The following EPS8 variants were observed in gnomAD, a reference collection of about 807,000 sequenced individuals.
EPS8 encodes epidermal growth factor receptor kinase substrate 8.
A neutral mutation model predicts 103.8 loss-of-function variants in EPS8; 42 were observed. The ratio of observed to expected loss-of-function variants is 0.40; its 90% CI spans 0.32 to 0.52. EPS8 has a LOEUF of 0.52. EPS8 is among the 20% of genes least tolerant of loss of function. EPS8 has a pLI of 0.40. For missense variants in EPS8, 969 were observed against 1,005.1 expected (o/e 0.96, Z 0.49); for synonymous variants, 344 against 344.6 (o/e 1.00, Z 0.02).
In EPS8 at chr12:15,628,797, G is replaced by A. The variant is rs1591800622; in HGVS notation, c.2044+2645C>T. ...TCCTTTCATTTTATTTTTACCAGAA[G>A]TTTAGGCAGTAAGCAGAGAATGTGG... is the stretch of plus-strand genomic sequence containing the variant. On this transcript the variant is annotated intron_variant, in intron 18 of 20. Coordinates refer to ENST00000281172, the MANE Select transcript of EPS8 (RefSeq NM_004447.6). 5.3e-5 allele frequency among the ~76,000 whole-genome samples: 8 copies of A among 152,124 alleles called. No individual in the cohort carries two copies. In the South Asian group the frequency reaches 1.4e-3, roughly 28 times the overall value.
chr12:15,784,437 A>C lies in EPS8; in HGVS notation c.-22+4724T>G, dbSNP rs1954594155. Among the ~76,000 whole-genome samples the C allele has an allele frequency of 6.6e-6, 1 of 152,196 alleles. No individual in the cohort carries two copies. Among genetic ancestry groups the C allele is most frequent in the African/African-American group, 2.4e-5 (1 of 41,464 alleles). On this transcript the variant is annotated intron_variant, in intron 1 of 20. Transcript: ENST00000281172. The surrounding 1 kb of genome is among the most constrained non-coding windows in gnomAD (Gnocchi z 4.0). ...AATAGTAAATTAAAGTAACAATGAC[A>C]TATTACTACACACCTACTAGAATGG...
Position 15,752,263 on chromosome 12 carries a change from T to A in EPS8, c.-22+36898A>T, listed in dbSNP as rs1472425108. 6.6e-6 allele frequency among the ~76,000 whole-genome samples: 1 copy of A among 151,982 alleles called. No individual in the cohort carries two copies. The highest frequency in any genetic ancestry group is 1.5e-5 in the Non-Finnish European group (1 of 67,994). The stretch of plus-strand genomic sequence containing the variant: ...GAGATCGAGACCATCCTGGCTAACA[T>A]GGTGAAACCCCGTTTCTACTAAAAA... On this transcript the variant is annotated intron_variant, in intron 1 of 20. Coordinates refer to ENST00000281172, the MANE Select transcript of EPS8 (RefSeq NM_004447.6). The surrounding 1 kb of genome is among the most constrained non-coding windows in gnomAD (Gnocchi z 4.4).
In EPS8 at chr12:15,738,097, T is replaced by C. The variant is rs1164366045; in HGVS notation, c.-22+51064A>G. Among the ~76,000 whole-genome samples, 1 of 152,194 alleles carries C rather than the reference T, an allele frequency of 6.6e-6. No individual in the cohort carries two copies. The highest frequency in any genetic ancestry group is 2.4e-5 in the African/African-American group (1 of 41,462). On this transcript the variant is annotated intron_variant, in intron 1 of 20. Coordinates refer to ENST00000281172, the MANE Select transcript of EPS8 (RefSeq NM_004447.6). The surrounding 1 kb of genome is among the most constrained non-coding windows in gnomAD (Gnocchi z 6.2). ...ATATAAACTACCGAAATAGATATAT[T>C]TCCTAGTGTTATTTTTGGTAGATAG...
chr12:15,658,537 A>G lies in EPS8; in HGVS notation c.986T>C (p.Leu329Pro), dbSNP rs79739141. The change falls in exon 11 of 21, where the codon CTT (leucine) becomes CCT (proline). Residue 329 changes from leucine to proline, a missense_variant. Physicochemically the swap from Leu to Pro is moderately conservative, Grantham distance 98. Transcript: ENST00000281172. ...GTGTTTAAACTTTTGGAAACAGTCA[A>G]GAAATTCATCAGGAGGTGGAGGTTT... ...RAKPPPPDEF[L>P]DCFQKFKHGF... is the part of the protein sequence containing the mutation. 2.0e-5 allele frequency: 33 copies of G among 1,613,244 alleles called. No homozygotes were observed. The highest frequency in any genetic ancestry group is 1.6e-4 in the Middle Eastern group (1 of 6,078).
chr12:15,731,486 C>T lies in EPS8; in HGVS notation c.-21-48514G>A, dbSNP rs544093402. On this transcript the variant is annotated intron_variant, in intron 1 of 20. Transcript: ENST00000281172. The surrounding 1 kb of genome is among the most constrained non-coding windows in gnomAD (Gnocchi z 5.1). ...CTAATTTTTGTATTTTTAGTAGAAA[C>T]GGGGTTTCACCGTGTAGGCCAGGCT... Among the ~76,000 whole-genome samples, 25 of 152,100 alleles carry T rather than the reference C, an allele frequency of 1.6e-4. No homozygotes were observed. The East Asian group carries it at 4.3e-3, about 26-fold the overall frequency.
At position 15,702,352 on chromosome 12, in the gene EPS8, T is replaced by C. The variant is rs1013108615; in HGVS notation, c.-21-19380A>G. ...GACAAGGTGAATAAAATTCTAGCAC[T>C]GGAAATTAATTCATTCTTTTGAGTT... On this transcript the variant is annotated intron_variant, in intron 1 of 20. Coordinates refer to ENST00000281172, the MANE Select transcript of EPS8 (RefSeq NM_004447.6). The surrounding 1 kb of genome is among the most constrained non-coding windows in gnomAD (Gnocchi z 5.1). Among the ~76,000 whole-genome samples the C allele has an allele frequency of 1.3e-5, 2 of 152,238 alleles. No homozygotes were observed. Among genetic ancestry groups the C allele is most frequent in the East Asian group, 3.8e-4 (2 of 5,200 alleles).
At chr12:15,666,692 T>C (rs1462441161) in intron 6 of EPS8, among the ~76,000 whole-genome samples, 170 bp from the exon 7 acceptor site, 4 of 152,176 alleles carry the variant, frequency 2.6e-5, no homozygotes, top group African/African-American at 9.7e-5. Flanking sequence ...TTTATAATGG[T>C]GAACTATATA....
intron 1 of EPS8, among the ~76,000 whole-genome samples, chr12:15,730,507 A>T (rs1283172717): frequency 1.3e-5 from 2 of 152,212 alleles, no homozygotes; most frequent in African/African-American, 4.8e-5. Context: ...AAAAATAAAG[A>T]TTCAACAAGA....
In EPS8 at chr12:15,706,355, C is replaced by T. The variant is rs1383064611; in HGVS notation, c.-21-23383G>A. On this transcript the variant is annotated intron_variant, in intron 1 of 20. Coordinates refer to ENST00000281172, the MANE Select transcript of EPS8 (RefSeq NM_004447.6). This position sits in a 1 kb window ranked among gnomAD's most constrained non-coding sequence, Gnocchi z 5.2. ...GCAGCATTGACAATGCCAAGTTCTTCCTTCCTCGAGGCCTATCACACTTGT... is the reference window on the plus strand; with the variant it reads ...GCAGCATTGACAATGCCAAGTTCTTTCTTCCTCGAGGCCTATCACACTTGT... 2.0e-5 allele frequency among the ~76,000 whole-genome samples: 3 copies of T among 152,178 alleles called. No individual in the cohort carries two copies. Among genetic ancestry groups the T allele is most frequent in the Non-Finnish European group, 4.4e-5 (3 of 68,028 alleles).
rs1014477382 is a variant in EPS8, at chr12:15,647,223, T to C, written c.1472A>G (p.Tyr491Cys). The C allele has an allele frequency of 2.3e-5, 37 of 1,613,694 alleles. No homozygotes were observed. Among genetic ancestry groups the C allele is most frequent in the Non-Finnish European group, 2.5e-5 (29 of 1,179,802 alleles). The change falls in exon 15 of 21, where the codon TAT becomes TGT. Residue 491 changes from tyrosine (Y) to cysteine (C), a missense_variant. By Grantham distance (194) the Tyr-to-Cys change is radical (BLOSUM62 -2). Coordinates refer to ENST00000281172, the MANE Select transcript of EPS8 (RefSeq NM_004447.6). Reference protein sequence around the residue: ...SVSEYHPADGYAFSSNIYTRG... With the variant: ...SVSEYHPADGCAFSSNIYTRG... The stretch of plus-strand genomic sequence containing the variant: ...TGTGTAAATGTTGCTACTGAACGCA[T>C]AGCCATCGGCTGGATGATACTCTGA...
At chr12:15,679,906 C>T (rs1385486958) in intron 3 of EPS8, among the ~76,000 whole-genome samples, 2 of 152,018 alleles carry the variant, frequency 1.3e-5, no homozygotes, top group Non-Finnish European at 2.9e-5. Context: ...TATTCTTATC[C>T]AAAAAATCTT....
rs1947234886 is a variant in EPS8 at position 15,779,083 on chromosome 12, A to G, written c.-22+10078T>C. 6.6e-6 allele frequency among the ~76,000 whole-genome samples: 1 copy of G among 152,078 alleles called. No homozygotes were observed. Among genetic ancestry groups the G allele is most frequent in the Non-Finnish European group, 1.5e-5 (1 of 68,020 alleles). On this transcript the variant is annotated intron_variant, in intron 1 of 20. Coordinates refer to ENST00000281172, the MANE Select transcript of EPS8 (RefSeq NM_004447.6). This position sits in a 1 kb window ranked among gnomAD's most constrained non-coding sequence, Gnocchi z 4.3. The stretch of plus-strand genomic sequence containing the variant: ...ACCTCCTGCCTCCCGGGTTCAAGCA[A>G]TTCTCCTGCCTCAGCCTCCCGAGTA...
chr12:15,662,999 C>CAAAAAAAAAAAAAAA (rs5796644), intron 8 of EPS8, among the ~76,000 whole-genome samples: 1 of 128,698 alleles, frequency 7.8e-6, no homozygotes. Flanking sequence ...CACTTGCCAA[C>CAAAAAAAAAAAAAAA]AAAAAAAAAA....
chr12:15,729,727 G>A (rs190092287), intron 1 of EPS8, among the ~76,000 whole-genome samples: 17 of 152,212 alleles, frequency 1.1e-4, no homozygotes, highest in Non-Finnish European at 8.8e-5. Flanking sequence ...CAATGTTGGA[G>A]ATTTACTTAT....
chr12:15,659,741 G>C (rs1302149146), intron 10 of EPS8, among the ~76,000 whole-genome samples: 1 of 152,104 alleles, frequency 6.6e-6, no homozygotes, highest in Non-Finnish European at 1.5e-5. Context: ...CATTTTGTCA[G>C]AGGAAGTATA....
At chr12:15,737,802 A>T (rs1014555463) in intron 1 of EPS8, among the ~76,000 whole-genome samples, 5 of 152,102 alleles carry the variant, frequency 3.3e-5, no homozygotes, top group Non-Finnish European at 5.9e-5. Context: ...ATATTATTAA[A>T]TCTGTTTCAA....
At chr12:15,755,377 G>C (rs959141462) in intron 1 of EPS8, among the ~76,000 whole-genome samples, 8 of 152,086 alleles carry the variant, frequency 5.3e-5, no homozygotes, top group African/African-American at 1.9e-4. Context: ...AAGGTAAGCT[G>C]AACTCCTGAA....
intron 1 of EPS8, chr12:15,712,913 C>T: frequency 1.0e-6 from 1 of 985,280 alleles, no homozygotes; most frequent in Non-Finnish European, 1.2e-6. Flanking sequence ...GAGGCCATTC[C>T]ACTCAGTTTA....
intron 17 of EPS8, among the ~76,000 whole-genome samples, chr12:15,639,686 T>G (rs887802712): frequency 6.6e-6 from 1 of 152,152 alleles, no homozygotes; most frequent in Non-Finnish European, 1.5e-5. Flanking sequence ...ATGAATGTCA[T>G]GAGGAGCCAA....
Sources: gnomAD v4.1 joint callset for allele counts (sites outside exome capture counted in the v4.1 genomes callset) on GRCh38, gnomAD v4.1.1 for gene constraint, Gnocchi (gnomAD v3.1) non-coding constraint, MANE v1.5 for transcripts, NCBI Gene and HGNC (gene_info 2026-07-23, HGNC 2026-07-21) for gene names.